Variants in ZNF382 observed in about 807,000 individuals in gnomAD.
The protein encoded by ZNF382 is KRAB/zinc finger suppressor protein 1.
In ZNF382, 20 loss-of-function variants were observed where a neutral mutation model predicts 38.8. That is an observed-to-expected ratio of 0.51 (90% CI 0.36 to 0.75). ZNF382 has a LOEUF of 0.75. ZNF382 is among the 30% of genes least tolerant of loss of function. The pLI is 0.00. For synonymous variants in ZNF382, 202 were observed against 223.1 expected, an observed-to-expected ratio of 0.91 and a Z score of 0.84; for missense variants, 546 against 654.1, an observed-to-expected ratio of 0.83 and a Z score of 1.80.
In ZNF382 at chr19:36,626,962, C is replaced by G. The variant is rs373673657; in HGVS notation, c.1065C>G (p.Ile355Met). ...THIEGKPFIC[I>M]DCGKSFRQKA... Reference sequence around the variant, plus strand: ...TAGAGGGGAAACCCTTTATTTGTATCGATTGTGGGAAGTCCTTCCGCCAGA... The same window carrying G: ...TAGAGGGGAAACCCTTTATTTGTATGGATTGTGGGAAGTCCTTCCGCCAGA... The change falls in exon 5 of 5, where the codon ATC becomes ATG. Residue 355 changes from isoleucine (I) to methionine (M), a missense_variant. Ile to Met is a conservative substitution (Grantham distance 10). Coordinates refer to ENST00000292928, the MANE Select transcript of ZNF382 (RefSeq NM_032825.5). 6.2e-7 allele frequency: 1 copy of G among 1,614,016 alleles called. No homozygotes were observed. Among genetic ancestry groups the G allele is most frequent in the Non-Finnish European group, 8.5e-7 (1 of 1,180,030 alleles).
chr19:36,611,392 C>A (rs972737388), intron 4 of ZNF382, among the ~76,000 whole-genome samples: 1 of 152,158 alleles, frequency 6.6e-6, no homozygotes, highest in Non-Finnish European at 1.5e-5. Flanking sequence ...CTCTAGGTAC[C>A]TCTTGTAAGT....
chr19:36,624,594 TC>T (rs2037195265), intron 4 of ZNF382, among the ~76,000 whole-genome samples: 1 of 152,128 alleles, frequency 6.6e-6, no homozygotes, highest in African/African-American at 2.4e-5. Flanking sequence ...CCTTTACAGC[TC>T]CAGTAGGGAA....
chr19:36,611,278 A>C (rs914215857), intron 4 of ZNF382, among the ~76,000 whole-genome samples: 3 of 152,050 alleles, frequency 2.0e-5, no homozygotes, highest in Admixed American at 6.6e-5. Context: ...CGACAGAGCG[A>C]GACTCCATCT....
At chr19:36,613,424 T>TTA (rs1412280927) in intron 4 of ZNF382, among the ~76,000 whole-genome samples, 6 of 63,886 alleles carry the variant, frequency 9.4e-5, no homozygotes, top group Non-Finnish European at 1.9e-4. Flanking sequence ...ATATTTTGCT[T>TTA]TTTTTTTTTT....
At position 36,626,854 on chromosome 19, in the gene ZNF382, A is replaced by T. The variant is rs143712310; in HGVS notation, c.957A>T (p.Thr319=). Residue 319 remains threonine, a synonymous_variant, in exon 5 of 5, where the codon ACA becomes ACT. Transcript: ENST00000292928. ...SYLIEHQRIH[T]GEKPYVCNQC... is the part of the protein sequence containing the mutation. ...TCATTGAACATCAGCGAATTCACAC[A>T]GGTGAAAAACCTTATGTTTGCAATC... 3.3e-5 allele frequency: 54 copies of T among 1,614,158 alleles called. No individual in the cohort carries two copies. In the African/African-American group the frequency reaches 6.7e-4, roughly 20 times the overall value.
At chr19:36,613,564 C>T (rs1030559487) in intron 4 of ZNF382, among the ~76,000 whole-genome samples, 2 of 151,952 alleles carry the variant, frequency 1.3e-5, no homozygotes, top group African/African-American at 4.8e-5. Context: ...CCTCAGCCTC[C>T]CGAGTAGCTG....
rs767874625 is a variant in ZNF382 at position 36,626,421 on chromosome 19, A to G, written c.524A>G (p.Lys175Arg). 6.2e-7 allele frequency: 1 copy of G among 1,605,464 alleles called. No individual in the cohort carries two copies. Among genetic ancestry groups the G allele is most frequent in the Non-Finnish European group, 8.5e-7 (1 of 1,177,426 alleles). ...TGWEKSLLNT[K>R]HEKIHPAVNL... ...TGGGAGAAATCACTCCTCAATACCA[A>G]GCATGAGAAAATTCATCCTGCAGTG... The change falls in exon 5 of 5, where the codon AAG becomes AGG. Residue 175 changes from lysine to arginine, a missense_variant. Coordinates refer to ENST00000292928, the MANE Select transcript of ZNF382 (RefSeq NM_032825.5).
chr19:36,610,506 C>T (rs1021092042), intron 3 of ZNF382, 144 bp from the exon 4 acceptor site: 28 of 524,564 alleles, frequency 5.3e-5, no homozygotes, highest in Non-Finnish European at 8.7e-5. Flanking sequence ...ATGATTATAT[C>T]ATCACTTGTG....
At chr19:36,615,784 T>A (rs146659808) in intron 4 of ZNF382, among the ~76,000 whole-genome samples, 159 of 152,362 alleles carry the variant, frequency 1.0e-3, no homozygotes, top group African/African-American at 3.4e-3. Context: ...TATGTTTATT[T>A]GTGCATTTTT....
At position 36,627,709 on chromosome 19, in the gene ZNF382, C is replaced by A. The variant is rs530971737; in HGVS notation, c.*159C>A. 66 of 518,976 alleles carry A rather than the reference C, an allele frequency of 1.3e-4. No individual in the cohort carries two copies. The East Asian group carries it at 1.7e-3, about 13-fold the overall frequency. The allele number at this position is 518,976 out of a possible 1,614,324, so 32.1% of individuals were successfully genotyped here. A position where few individuals can be genotyped will look rare whatever the true frequency, so the allele number is the denominator to read the frequency against. On this transcript the variant is annotated 3_prime_UTR_variant, in exon 5 of 5. Coordinates refer to ENST00000292928, the MANE Select transcript of ZNF382 (RefSeq NM_032825.5). The stretch of plus-strand genomic sequence containing the variant: ...ACACACACACACACACACACACACA[C>A]AAATATTATTAGACAAATTAGATGA...
intron 4 of ZNF382, among the ~76,000 whole-genome samples, chr19:36,620,884 G>A (rs1423861519): frequency 2.6e-5 from 4 of 151,752 alleles, no homozygotes; most frequent in African/African-American, 4.8e-5. Flanking sequence ...TCAGCCTTCC[G>A]AATAGCTGGG....
At chr19:36,609,840 A>T in intron 2 of ZNF382, 62 bp from the exon 3 acceptor site, 1 of 1,453,094 alleles carries the variant, frequency 6.9e-7, no homozygotes, top group Non-Finnish European at 9.2e-7. Context: ...TAGTCTGACC[A>T]GTAAACATTG....
chr19:36,621,292 T>A (rs1320496167), intron 4 of ZNF382, among the ~76,000 whole-genome samples: 1 of 151,650 alleles, frequency 6.6e-6, no homozygotes, highest in African/African-American at 2.4e-5. Flanking sequence ...GCTACTGTAA[T>A]TAATCTTTGG....
intron 2 of ZNF382, chr19:36,607,875 C>T (rs1243383299): frequency 1.2e-5 from 5 of 422,716 alleles, no homozygotes; most frequent in East Asian, 1.1e-4. Context: ...GCCCTGTTCA[C>T]AATTTCTCCA....
Position 36,610,705 on chromosome 19 carries a change from A to G in ZNF382, c.195A>G (p.Leu65=), listed in dbSNP as rs1204625151. 6 of 1,613,358 alleles carry G rather than the reference A, an allele frequency of 3.7e-6. No individual in the cohort carries two copies. The highest frequency in any genetic ancestry group is 1.3e-5 in the African/African-American group (1 of 74,920). The change falls in exon 4 of 5, where the codon CTA becomes CTG. Residue 65 remains leucine, a synonymous_variant. Transcript: ENST00000292928. ...GCAAGTTGGAACAAGGAGAAGAGCT[A>G]TGGACACAGAGAATTTTTCCAAGTT... ...MIRKLEQGEE[L]WTQRIFPSYS...
intron 1 of ZNF382, among the ~76,000 whole-genome samples, chr19:36,607,189 A>G (rs903743217): frequency 4.6e-5 from 7 of 152,164 alleles, no homozygotes; most frequent in Non-Finnish European, 8.8e-5. Flanking sequence ...CTCATCCACT[A>G]CTATCAGTGT....
At position 36,614,383 on chromosome 19, in the gene ZNF382, A is replaced by G. The variant is rs182335236; in HGVS notation, c.232+3641A>G. Among the ~76,000 whole-genome samples, 7 of 152,188 alleles carry G rather than the reference A, an allele frequency of 4.6e-5. No individual in the cohort carries two copies. The South Asian group carries it at 1.0e-3, about 23-fold the overall frequency. On this transcript the variant is annotated intron_variant, in intron 4 of 4. Transcript: ENST00000292928. ...AATGAAAACAACTTTTAGCTATTCT[A>G]TGTCATTTTCTTCTCAAATTCATTT...
At chr19:36,614,520 A>G (rs2037105274) in intron 4 of ZNF382, among the ~76,000 whole-genome samples, 1 of 152,150 alleles carries the variant, frequency 6.6e-6, no homozygotes. Flanking sequence ...ATAACTTTCC[A>G]TTTTAGTTAG....
chr19:36,626,876 A>G lies in ZNF382; in HGVS notation c.979A>G (p.Asn327Asp). 6.2e-7 allele frequency: 1 copy of G among 1,614,226 alleles called. No homozygotes were observed. The highest frequency in any genetic ancestry group is 8.5e-7 in the Non-Finnish European group (1 of 1,180,012). ...IHTGEKPYVC[N>D]QCGKAFRQKT... ...CACAGGTGAAAAACCTTATGTTTGCAATCAATGTGGAAAGGCCTTCCGTCA... is the reference window on the plus strand; with the variant it reads ...CACAGGTGAAAAACCTTATGTTTGCGATCAATGTGGAAAGGCCTTCCGTCA... The change falls in exon 5 of 5, where the codon AAT (asparagine) becomes GAT (aspartate). Residue 327 changes from asparagine to aspartate, a missense_variant. By Grantham distance (23) the Asn-to-Asp change is conservative (BLOSUM62 1). Coordinates refer to ENST00000292928, the MANE Select transcript of ZNF382 (RefSeq NM_032825.5).
Sources: gnomAD v4.1 joint callset for allele counts (sites outside exome capture counted in the v4.1 genomes callset) on GRCh38, gnomAD v4.1.1 for gene constraint, MANE v1.5 for transcripts, NCBI Gene and HGNC (gene_info 2026-07-23, HGNC 2026-07-21) for gene names.